Variants in MAOB observed in about 807,000 individuals in gnomAD.
MAOB encodes amine oxidase [flavin-containing] B.
A neutral mutation model predicts 41.9 loss-of-function variants in MAOB; 15 were observed. The ratio of observed to expected loss-of-function variants is 0.36; its 90% CI spans 0.24 to 0.55. The LOEUF (loss-of-function observed/expected upper bound fraction) is 0.55. Ranked by LOEUF, MAOB falls within the 20% of genes least tolerant of loss-of-function variation. The pLI, the probability that MAOB is intolerant of heterozygous loss-of-function variation, is 0.86. For synonymous variants in MAOB, 167 were observed against 144.2 expected, an observed-to-expected ratio of 1.16 and a Z score of -1.13; for missense variants, 345 against 398.7, an observed-to-expected ratio of 0.87 and a Z score of 1.15.
chrX:43,837,940 G>A (rs1298645240), intron 3 of MAOB: 2 of 331,292 alleles, frequency 6.0e-6, no homozygotes, highest in South Asian at 5.2e-5. Context: ...AAACAGAGGA[G>A]CAGGGAGATG....
chrX:43,872,699 T>C (rs1326864778), intron 1 of MAOB, among the ~76,000 whole-genome samples: 2 of 112,005 alleles, frequency 1.8e-5, no homozygotes, highest in Non-Finnish European at 3.8e-5. Flanking sequence ...TATAAAATCA[T>C]GAAAAAACAT....
intron 5 of MAOB, 152 bp from the exon 6 acceptor site, chrX:43,797,418 C>T (rs758085100): frequency 1.9e-5 from 7 of 371,812 alleles, no homozygotes; most frequent in South Asian, 2.2e-4. Context: ...TATTACAAAA[C>T]GTGACATCGG....
chrX:43,805,250 T>A (rs962522737), intron 3 of MAOB, among the ~76,000 whole-genome samples: 1 of 109,481 alleles, frequency 9.1e-6, no homozygotes, highest in African/African-American at 3.4e-5. Flanking sequence ...GTACAATACA[T>A]CCCTTGAACT....
chrX:43,823,891 T>C (rs1339578630), intron 3 of MAOB, among the ~76,000 whole-genome samples: 4 of 112,203 alleles, frequency 3.6e-5, no homozygotes, highest in Non-Finnish European at 7.5e-5. Flanking sequence ...ACCATTCTTA[T>C]GTATAGCTTC....
chrX:43,881,106 A>T (rs2035470137), intron 1 of MAOB, among the ~76,000 whole-genome samples: 1 of 113,232 alleles, frequency 8.8e-6, no homozygotes, highest in Non-Finnish European at 1.9e-5. Context: ...AGCCTGCTAG[A>T]CAGATGTGGT....
At chrX:43,791,775 T>C (rs774564652) in intron 8 of MAOB, among the ~76,000 whole-genome samples, 173 of 111,811 alleles carry the variant, frequency 1.5e-3, no homozygotes, top group African/African-American at 5.4e-3. Context: ...AAAAATTAAT[T>C]AAATAGAATT....
intron 3 of MAOB, among the ~76,000 whole-genome samples, chrX:43,828,541 C>CAA (rs113829693): frequency 2.1e-5 from 2 of 97,416 alleles, no homozygotes; most frequent in African/African-American, 7.4e-5. Context: ...AGGCATAAGA[C>CAA]AAAAAAAAAA....
chrX:43,860,640 T>A (rs759608674), intron 1 of MAOB, among the ~76,000 whole-genome samples: 30 of 111,498 alleles, frequency 2.7e-4, no homozygotes, highest in Non-Finnish European at 4.3e-4. Context: ...AAATTACACA[T>A]CTCAGGGTAT....
intron 8 of MAOB, among the ~76,000 whole-genome samples, chrX:43,788,325 C>T (rs1052601151): frequency 1.8e-5 from 2 of 111,340 alleles, no homozygotes; most frequent in Admixed American, 9.6e-5. Context: ...TGCTTTTAGG[C>T]CCCACCTCCA....
At chrX:43,856,105 A>G (rs1174692001) in intron 1 of MAOB, among the ~76,000 whole-genome samples, 1 of 111,540 alleles carries the variant, frequency 9.0e-6, no homozygotes, top group African/African-American at 3.3e-5. Flanking sequence ...TTCTTTGGAG[A>G]TGGAGTCTTG....
intron 3 of MAOB, among the ~76,000 whole-genome samples, chrX:43,809,952 C>T (rs1459068130): frequency 1.8e-5 from 2 of 108,993 alleles, no homozygotes; most frequent in Non-Finnish European, 3.8e-5. Flanking sequence ...TGAGTGAAAG[C>T]TATTGGAAGG....
At chrX:43,777,268 A>G (rs1452243352) in intron 11 of MAOB, among the ~76,000 whole-genome samples, 1 of 111,553 alleles carries the variant, frequency 9.0e-6, no homozygotes, top group African/African-American at 3.3e-5. Flanking sequence ...AATTTTTAAC[A>G]GATGTTAAGT....
intron 3 of MAOB, among the ~76,000 whole-genome samples, chrX:43,833,624 G>A (rs966596410): frequency 9.0e-6 from 1 of 111,291 alleles, no homozygotes; most frequent in Non-Finnish European, 1.9e-5. Flanking sequence ...AATCTATATC[G>A]CTGTTTCCCT....
chrX:43,804,658 G>T (rs1039671333), intron 3 of MAOB, among the ~76,000 whole-genome samples: 1 of 111,712 alleles, frequency 9.0e-6, no homozygotes, highest in Non-Finnish European at 1.9e-5. Flanking sequence ...AAAATCTGTA[G>T]GGTAGGTCAC....
intron 3 of MAOB, among the ~76,000 whole-genome samples, chrX:43,810,521 A>G (rs1257138856): frequency 9.0e-6 from 1 of 110,811 alleles, no homozygotes; most frequent in African/African-American, 3.3e-5. Flanking sequence ...TGGCAAGTAT[A>G]GAGAGATAGA....
intron 1 of MAOB, among the ~76,000 whole-genome samples, chrX:43,860,216 A>G (rs765951878): frequency 1.3e-4 from 15 of 111,829 alleles, no homozygotes; most frequent in South Asian, 3.8e-4. Context: ...TCTTTTTTCA[A>G]TTATTCACAG....
intron 1 of MAOB, among the ~76,000 whole-genome samples, chrX:43,874,036 A>C (rs2035425369): frequency 8.9e-6 from 1 of 112,173 alleles, no homozygotes; most frequent in South Asian, 3.7e-4. Flanking sequence ...TGCCAGAGAT[A>C]CACGTTTTAT....
intron 3 of MAOB, among the ~76,000 whole-genome samples, chrX:43,829,513 C>T (rs758518823): frequency 8.9e-6 from 1 of 112,253 alleles, no homozygotes; most frequent in Non-Finnish European, 1.9e-5. Flanking sequence ...AGGGTAGTCT[C>T]TCTGACCACG....
chrX:43,878,505 C>T (rs1461376264), intron 1 of MAOB, among the ~76,000 whole-genome samples: 2 of 110,167 alleles, frequency 1.8e-5, no homozygotes, highest in Non-Finnish European at 3.8e-5. Context: ...TCAAGCAATC[C>T]TCCCGTCTCA....
Sources: gnomAD v4.1 joint callset for allele counts (sites outside exome capture counted in the v4.1 genomes callset) on GRCh38, gnomAD v4.1.1 for gene constraint, MANE v1.5 for transcripts, NCBI Gene and HGNC (gene_info 2026-07-23, HGNC 2026-07-21) for gene names.